CACNA2D3: variants seen among roughly 807,000 people sequenced by gnomAD.
CACNA2D3 encodes the protein voltage-dependent calcium channel subunit alpha-2/delta-3.
Under a neutral mutation model 160.6 loss-of-function variants are expected in CACNA2D3, and 60 were observed. The observed-to-expected ratio is 0.37, with a 90% confidence interval of 0.30 to 0.46. The LOEUF (loss-of-function observed/expected upper bound fraction) is 0.46. Ranked by LOEUF, CACNA2D3 falls within the 20% of genes least tolerant of loss-of-function variation. The pLI is 1.00. For synonymous variants in CACNA2D3, 558 were observed against 492.9 expected, an observed-to-expected ratio of 1.13 and a Z score of -1.75; for missense variants, 1,205 against 1,365.0, an observed-to-expected ratio of 0.88 and a Z score of 1.85.
intron 11 of CACNA2D3, among the ~76,000 whole-genome samples, chr3:54,658,762 G>A (rs909986269): frequency 2.6e-5 from 4 of 151,894 alleles, no homozygotes; most frequent in South Asian, 2.1e-4. Context: ...GAGGCTTCTG[G>A]TACCAAAGAT....
At chr3:54,160,858 G>T (rs893337085) in intron 2 of CACNA2D3, among the ~76,000 whole-genome samples, 1 of 152,150 alleles carries the variant, frequency 6.6e-6, no homozygotes, top group Middle Eastern at 3.2e-3. Flanking sequence ...TTTTCATTGA[G>T]ATCAGTATTT....
intron 13 of CACNA2D3, among the ~76,000 whole-genome samples, chr3:54,772,717 G>A (rs1352230265): frequency 6.6e-6 from 1 of 152,118 alleles, no homozygotes; most frequent in Non-Finnish European, 1.5e-5. Context: ...GAAATTCATA[G>A]GCCTCTCATA....
intron 27 of CACNA2D3, among the ~76,000 whole-genome samples, chr3:54,922,904 C>T (rs891308796): frequency 6.6e-6 from 1 of 152,276 alleles, no homozygotes; most frequent in East Asian, 1.9e-4. Context: ...TCAAAATAGA[C>T]TTTCCCATAA....
chr3:54,843,102 C>T (rs370817888), intron 16 of CACNA2D3, among the ~76,000 whole-genome samples: 8 of 151,068 alleles, frequency 5.3e-5, no homozygotes, highest in African/African-American at 1.9e-4. Flanking sequence ...GCTGGGATTA[C>T]AGGTGCCCGC....
chr3:55,004,841 A>G lies in CACNA2D3; in HGVS notation c.2766+3A>G. 1 of 1,607,732 alleles carries G rather than the reference A, an allele frequency of 6.2e-7. No individual in the cohort carries two copies. Among genetic ancestry groups the G allele is most frequent in the Non-Finnish European group, 8.5e-7 (1 of 1,174,220 alleles). On this transcript the variant is annotated splice_donor_region_variant and intron_variant, in intron 32 of 37. Transcript: ENST00000474759. ...ATGGCGCCCATGGCCTCCTGGATGT[A>G]AGTACTATGCTGTCACTCAGAAAAC...
At chr3:54,200,072 G>C (rs1170171383) in intron 2 of CACNA2D3, among the ~76,000 whole-genome samples, 1 of 152,220 alleles carries the variant, frequency 6.6e-6, no homozygotes, top group African/African-American at 2.4e-5. Flanking sequence ...GCCCTTTATA[G>C]GAAAAGGTTT....
chr3:54,522,386 A>G (rs969436504), intron 5 of CACNA2D3, among the ~76,000 whole-genome samples: 7 of 152,148 alleles, frequency 4.6e-5, no homozygotes, highest in Non-Finnish European at 1.0e-4. Flanking sequence ...GTATTCTGCA[A>G]TCTTGCTGAC....
At chr3:54,903,302 C>A (rs1321238837) in intron 27 of CACNA2D3, among the ~76,000 whole-genome samples, 1 of 152,132 alleles carries the variant, frequency 6.6e-6, no homozygotes, top group South Asian at 2.1e-4. Context: ...TGAGAACATG[C>A]GGTATTTGGT....
At chr3:54,504,994 T>C (rs982554421) in intron 5 of CACNA2D3, among the ~76,000 whole-genome samples, 3 of 152,204 alleles carry the variant, frequency 2.0e-5, no homozygotes, top group African/African-American at 7.2e-5. Context: ...ACTTCTGAAA[T>C]GTTCTAAGTC....
At chr3:54,913,819 C>A (rs190411014) in intron 27 of CACNA2D3, among the ~76,000 whole-genome samples, 1 of 152,088 alleles carries the variant, frequency 6.6e-6, no homozygotes, top group Non-Finnish European at 1.5e-5. Flanking sequence ...AGTGGTGTGA[C>A]GTTGAGCAAA....
intron 4 of CACNA2D3, among the ~76,000 whole-genome samples, chr3:54,503,217 A>G (rs1404242822): frequency 1.3e-5 from 2 of 152,206 alleles, no homozygotes; most frequent in Admixed American, 1.3e-4. Context: ...AAATGTTTCT[A>G]GGGCAGTTTT....
At chr3:54,992,938 T>C (rs1054238735) in intron 31 of CACNA2D3, among the ~76,000 whole-genome samples, 2 of 152,116 alleles carry the variant, frequency 1.3e-5, no homozygotes. Flanking sequence ...GAAGCAGGCA[T>C]GTCTTCACAT....
chr3:54,219,427 G>C (rs1262974083), intron 2 of CACNA2D3, among the ~76,000 whole-genome samples: 7 of 152,124 alleles, frequency 4.6e-5, no homozygotes, highest in Non-Finnish European at 2.9e-5. Flanking sequence ...TCTAGGGACT[G>C]CCATCTCATG....
intron 11 of CACNA2D3, among the ~76,000 whole-genome samples, chr3:54,662,924 G>A (rs1035950306): frequency 6.6e-5 from 10 of 152,188 alleles, no homozygotes; most frequent in African/African-American, 2.4e-4. Context: ...ATTTCTCTGG[G>A]CTTCTAATTT....
chr3:54,235,596 C>T (rs4621361), intron 2 of CACNA2D3, among the ~76,000 whole-genome samples: 3,323 of 152,322 alleles, frequency 0.022, 131 homozygotes, highest in East Asian at 0.11. Context: ...CCCTCAGGCC[C>T]TGCCTCCAAC....
At chr3:54,626,207 C>A in intron 9 of CACNA2D3, 1 of 832,798 alleles carries the variant, frequency 1.2e-6, no homozygotes, top group Non-Finnish European at 2.0e-6. Flanking sequence ...TTCTGAGGAT[C>A]CGGCAAGATG....
intron 4 of CACNA2D3, among the ~76,000 whole-genome samples, chr3:54,443,618 T>G (rs1386651578): frequency 6.6e-6 from 1 of 152,154 alleles, no homozygotes. Context: ...AGCAGACAGA[T>G]CCTTGGCCGA....
intron 27 of CACNA2D3, among the ~76,000 whole-genome samples, chr3:54,943,080 T>C (rs1369847337): frequency 6.6e-6 from 1 of 151,848 alleles, no homozygotes; most frequent in Non-Finnish European, 1.5e-5. Flanking sequence ...CAGGTGCCTG[T>C]AGTCCCAGCT....
chr3:54,315,631 C>T (rs1408358178), intron 2 of CACNA2D3, among the ~76,000 whole-genome samples: 1 of 152,176 alleles, frequency 6.6e-6, no homozygotes, highest in East Asian at 1.9e-4. Context: ...AATTGACCTT[C>T]AATGCTGGTT....
Sources: allele counts gnomAD v4.1 joint callset (sites outside exome capture counted in the v4.1 genomes callset), GRCh38; gene constraint gnomAD v4.1.1; transcripts MANE v1.5; gene names NCBI Gene and HGNC (gene_info 2026-07-23, HGNC 2026-07-21).